GRAMD2A: variants seen among roughly 807,000 people sequenced by gnomAD.
The protein encoded by GRAMD2A is GRAM domain-containing protein 2A.
GRAMD2A carries 37 observed loss-of-function variants against 51.1 expected under a neutral mutation model. That is an observed-to-expected ratio of 0.72 (90% CI 0.56 to 0.95). The LOEUF (loss-of-function observed/expected upper bound fraction) is 0.95. Ranked by LOEUF, GRAMD2A falls within the 40% of genes least tolerant of loss-of-function variation. The probability of loss-of-function intolerance (pLI) is 0.00; values close to 1 mark genes in which losing one functional copy is unlikely to be tolerated. For synonymous variants in GRAMD2A, 136 were observed against 157.1 expected, an observed-to-expected ratio of 0.87 and a Z score of 1.01; for missense variants, 414 against 426.9, an observed-to-expected ratio of 0.97 and a Z score of 0.27.
chr15:72,176,526 A>G (rs140875532), intron 1 of GRAMD2A: 62 of 152,758 alleles, frequency 4.1e-4, no homozygotes, highest in African/African-American at 1.5e-3. Flanking sequence ...AGCTCCAAGC[A>G]GAGACCTGAA....
In GRAMD2A at chr15:72,166,567, C is replaced by G; in HGVS notation, c.543+65G>C. The G allele has an allele frequency of 8.0e-7, 1 of 1,244,324 alleles. No individual in the cohort carries two copies. Among genetic ancestry groups the G allele is most frequent in the Non-Finnish European group, 1.2e-6 (1 of 845,982 alleles). 77.1% of individuals were successfully genotyped at this position (1,244,324 alleles called of 1,614,324 possible). A position where few individuals can be genotyped will look rare whatever the true frequency, so the allele number is the denominator to read the frequency against. On this transcript the variant is annotated intron_variant, in intron 7 of 11. Transcript: ENST00000309731. The surrounding 1 kb of genome is among the most constrained non-coding windows in gnomAD (Gnocchi z 4.1). ...GAGATGGGCGACCTCCCCCAACACC[C>G]TTGTGCAAGACCTGCATCCAGGCCT... is the stretch of plus-strand genomic sequence containing the variant.
At chr15:72,177,137 C>T (rs2081659765) in intron 1 of GRAMD2A, among the ~76,000 whole-genome samples, 1 of 150,092 alleles carries the variant, frequency 6.7e-6, no homozygotes, top group Non-Finnish European at 1.5e-5. Flanking sequence ...GCTCGGATTA[C>T]AGGCATGAGC....
chr15:72,168,502 AC>A lies in GRAMD2A; in HGVS notation c.256del (p.Val86TrpfsTer49). The A allele has an allele frequency of 1.9e-6, 3 of 1,613,076 alleles. 1 individual carries two copies. The South Asian group carries it at 3.3e-5, about 18-fold the overall frequency. The part of the protein sequence containing the change: ...KLFKDVPLEE[V>X]VLKVCSCALQ... ...GGGAGACAGCTCACCTTTGAGAACC[AC>A]TTCCTCCAAGGGAACATCCTTAAAC... is the stretch of plus-strand genomic sequence containing the variant. On this transcript the variant is annotated frameshift_variant, in exon 4 of 12. Transcript: ENST00000309731. LOFTEE classifies it high-confidence loss of function.
intron 1 of GRAMD2A, among the ~76,000 whole-genome samples, chr15:72,174,614 C>T (rs369015534): frequency 1.4e-3 from 210 of 152,214 alleles, no homozygotes; most frequent in African/African-American, 4.4e-3. Context: ...CCGATGAGGC[C>T]CTTCCCCTGG....
chr15:72,180,017 G>A (rs2081685057), intron 1 of GRAMD2A, among the ~76,000 whole-genome samples: 1 of 152,194 alleles, frequency 6.6e-6, no homozygotes, highest in Non-Finnish European at 1.5e-5. Flanking sequence ...CCCAACTTCA[G>A]CTCAGGCCCA....
intron 1 of GRAMD2A, among the ~76,000 whole-genome samples, chr15:72,171,917 C>T (rs1378109708): frequency 2.0e-5 from 3 of 151,650 alleles, no homozygotes; most frequent in African/African-American, 7.3e-5. Flanking sequence ...GAAACCTCCA[C>T]CTCCTGGGTT....
At chr15:72,169,019 C>T (rs1343185590) in intron 2 of GRAMD2A, 23 bp from the exon 3 acceptor site, 18 of 1,612,182 alleles carry the variant, frequency 1.1e-5, no homozygotes, top group East Asian at 2.2e-5. Context: ...CATTCCATTT[C>T]GGGAACAAGG....
chr15:72,185,621 C>T (rs565020396), intron 1 of GRAMD2A, among the ~76,000 whole-genome samples: 15 of 152,358 alleles, frequency 9.8e-5, no homozygotes, highest in African/African-American at 3.6e-4. Flanking sequence ...GATGTAAAGG[C>T]TTTGCCTTAC....
Position 72,167,840 on chromosome 15 carries a change from C to T in GRAMD2A, c.269-1G>A. 1 of 1,609,926 alleles carries T rather than the reference C, an allele frequency of 6.2e-7. No individual in the cohort carries two copies. On this transcript the variant is annotated splice_acceptor_variant, in intron 4 of 11. Coordinates refer to ENST00000309731, the MANE Select transcript of GRAMD2A (RefSeq NM_001012642.3). LOFTEE classifies it high-confidence loss of function. ...TCCCTCTGGAGGGCACAGGAACACA[C>T]TAGGATGTCACAGGAGAGAAAATGG... is the stretch of plus-strand genomic sequence containing the variant.
Position 72,166,751 on chromosome 15 carries a change from C to T in GRAMD2A, c.472-48G>A, listed in dbSNP as rs1253876900. 6.6e-7 allele frequency: 1 copy of T among 1,508,712 alleles called. No individual in the cohort carries two copies. The highest frequency in any genetic ancestry group is 9.2e-7 in the Non-Finnish European group (1 of 1,088,566). 93.5% of individuals were successfully genotyped at this position (1,508,712 alleles called of 1,614,324 possible). A position where few individuals can be genotyped will look rare whatever the true frequency, so the allele number is the denominator to read the frequency against. On this transcript the variant is annotated intron_variant, in intron 6 of 11. Coordinates refer to ENST00000309731, the MANE Select transcript of GRAMD2A (RefSeq NM_001012642.3). The surrounding 1 kb of genome is among the most constrained non-coding windows in gnomAD (Gnocchi z 4.1). The stretch of plus-strand genomic sequence containing the variant: ...ACAGGGGTAGGGTGAGATGAGACTC[C>T]TTGCTGTGCCAGCCAGCCCCCTTGT...
At chr15:72,171,834 T>A (rs28718142) in intron 1 of GRAMD2A, among the ~76,000 whole-genome samples, 44 of 88,978 alleles carry the variant, frequency 4.9e-4, no homozygotes, top group Non-Finnish European at 1.0e-3. Context: ...CTGGCTTTTT[T>A]ATTTTTTTTT....
At chr15:72,192,841 T>C (rs1398553861) in intron 1 of GRAMD2A, among the ~76,000 whole-genome samples, 3 of 152,200 alleles carry the variant, frequency 2.0e-5, no homozygotes, top group African/African-American at 7.2e-5. Context: ...ATTGGTTCAG[T>C]CGGCCAGGTG....
chr15:72,196,082 C>T (rs1475816532), intron 1 of GRAMD2A, among the ~76,000 whole-genome samples: 1 of 152,176 alleles, frequency 6.6e-6, no homozygotes, highest in Non-Finnish European at 1.5e-5. Flanking sequence ...TCGATGGGGC[C>T]TCTGTCAGCT....
Position 72,197,714 on chromosome 15 carries a change from G to A in GRAMD2A, c.41+17C>T, listed in dbSNP as rs774726341. 33 of 1,315,600 alleles carry A rather than the reference G, an allele frequency of 2.5e-5. No individual in the cohort carries two copies. In the South Asian group the frequency reaches 3.5e-4, roughly 14 times the overall value. 81.5% of individuals were successfully genotyped at this position (1,315,600 alleles called of 1,614,324 possible). On this transcript the variant is annotated intron_variant, in intron 1 of 11. Transcript: ENST00000309731. ...TCCGGAACCCCCGAGACCGGCCCCC[G>A]GGCCGCAACCCCTTACCCGCCCTCC...
At chr15:72,165,266 C>T in intron 8 of GRAMD2A, 88 bp downstream of exon 8, 3 of 1,192,408 alleles carry the variant, frequency 2.5e-6, no homozygotes, top group Non-Finnish European at 3.7e-6. Flanking sequence ...CCCAGTTCTG[C>T]ATTGTGGGCC....
At chr15:72,184,402 T>G (rs2081720252) in intron 1 of GRAMD2A, among the ~76,000 whole-genome samples, 1 of 152,222 alleles carries the variant, frequency 6.6e-6, no homozygotes, top group Non-Finnish European at 1.5e-5. Flanking sequence ...AGGCTGGTGG[T>G]CACAGCCAGA....
chr15:72,169,867 A>G lies in GRAMD2A; in HGVS notation c.114T>C (p.Val38=), dbSNP rs768576347. The change falls in exon 2 of 12, where the codon GTT becomes GTC. Residue 38 remains valine, a synonymous_variant. Coordinates refer to ENST00000309731, the MANE Select transcript of GRAMD2A (RefSeq NM_001012642.3). ...CTCACCTGTAGTCCGGGGGCTCCTC[A>G]ACTCTGTCTGGTTTCTCTTTGCAGG... ...PVSCKEKPDR[V]EEPPDYSLHW... is the part of the protein sequence containing the mutation. 7 of 1,613,856 alleles carry G rather than the reference A, an allele frequency of 4.3e-6. No homozygotes were observed. Among genetic ancestry groups the G allele is most frequent in the Non-Finnish European group, 5.9e-6 (7 of 1,179,850 alleles).
intron 1 of GRAMD2A, among the ~76,000 whole-genome samples, chr15:72,188,530 TATA>T (rs944660210): frequency 6.6e-6 from 1 of 152,204 alleles, no homozygotes; most frequent in African/African-American, 2.4e-5. Flanking sequence ...AAGATAGCAT[TATA>T]TAACATTGGA....
At chr15:72,193,009 C>T (rs1255462128) in intron 1 of GRAMD2A, among the ~76,000 whole-genome samples, 1 of 151,902 alleles carries the variant, frequency 6.6e-6, no homozygotes, top group Admixed American at 6.6e-5. Context: ...GACTGTAATC[C>T]CAGCTACTCG....
Sources: gnomAD v4.1 joint callset for allele counts (sites outside exome capture counted in the v4.1 genomes callset) on GRCh38, gnomAD v4.1.1 for gene constraint, Gnocchi (gnomAD v3.1) non-coding constraint, MANE v1.5 for transcripts, NCBI Gene and HGNC (gene_info 2026-07-23, HGNC 2026-07-21) for gene names.